Variants in POC1B observed in about 807,000 individuals in gnomAD.
POC1B encodes the protein POC1 centriolar protein B.
A neutral mutation model predicts 60.6 loss-of-function variants in POC1B; 44 were observed. The ratio of observed to expected loss-of-function variants is 0.73; its 90% CI spans 0.57 to 0.93. The LOEUF is 0.93. Among genes scored for constraint, POC1B ranks in the 40% least tolerant of loss-of-function variants. The pLI, the probability that POC1B is intolerant of heterozygous loss-of-function variation, is 0.00. For missense variants in POC1B, 555 were observed against 572.3 expected, an observed-to-expected ratio of 0.97 and a Z score of 0.31; for synonymous variants, 180 against 198.9, an observed-to-expected ratio of 0.90 and a Z score of 0.80.
intron 2 of POC1B, chr12:89,523,332 A>G (rs1871091286): frequency 6.2e-7 from 1 of 1,613,958 alleles, no homozygotes; most frequent in African/African-American, 1.3e-5. Flanking sequence ...AAATATCACC[A>G]TAAGCTTCTT....
At chr12:89,452,322 A>G (rs1034056851) in intron 10 of POC1B, among the ~76,000 whole-genome samples, 2 of 152,166 alleles carry the variant, frequency 1.3e-5, no homozygotes, top group Non-Finnish European at 2.9e-5. Flanking sequence ...GTTCCCAGAA[A>G]CGTGCTAATT....
At chr12:89,412,830 C>CCTTCCTT in the POC1B span, among the ~76,000 whole-genome samples, 6,231 of 131,076 alleles carry the variant, frequency 0.048, 411 homozygotes, top group East Asian at 0.19. Context: ...TTCCTTCCTT[C>CCTTCCTT]CTTCCTTCCT....
At chr12:89,405,313 T>C in the POC1B span, among the ~76,000 whole-genome samples, 7 of 152,212 alleles carry the variant, frequency 4.6e-5, no homozygotes, top group Non-Finnish European at 8.8e-5. Context: ...TGGGCTCTCA[T>C]TTCAAGTTAC....
At chr12:89,499,925 C>A (rs55756636) in intron 2 of POC1B, among the ~76,000 whole-genome samples, 3,097 of 152,336 alleles carry the variant, frequency 0.02, 82 homozygotes, top group African/African-American at 0.066. Context: ...GTTGTTGGCG[C>A]ACGCCTTCCA....
At chr12:89,502,731 T>G in intron 2 of POC1B, 1 of 1,355,090 alleles carries the variant, frequency 7.4e-7, no homozygotes, top group Non-Finnish European at 1.0e-6. Context: ...AAATTGATAT[T>G]AAGACCACAA....
chr12:89,521,214 C>T (rs1464118460), intron 2 of POC1B: 1 of 152,028 alleles, frequency 6.6e-6, no homozygotes, highest in Non-Finnish European at 1.5e-5. Flanking sequence ...CGCCATTCTC[C>T]TGCCTCAGCC....
At chr12:89,409,337 A>G in the POC1B span, among the ~76,000 whole-genome samples, 1 of 152,192 alleles carries the variant, frequency 6.6e-6, no homozygotes, top group South Asian at 2.1e-4. Flanking sequence ...AGTTTTCTGT[A>G]TATGGTTAGC....
chr12:89,494,763 C>A (rs1869161260), intron 3 of POC1B, among the ~76,000 whole-genome samples: 1 of 152,186 alleles, frequency 6.6e-6, no homozygotes, highest in South Asian at 2.1e-4. Context: ...TACAGGTTAT[C>A]CTGCTGGAGA....
At chr12:89,425,896 CGTATACATCCAGGAGAACT>C (rs1158579608) in intron 10 of POC1B, 1 of 153,190 alleles carries the variant, frequency 6.5e-6, no homozygotes, top group Non-Finnish European at 1.5e-5. Flanking sequence ...TCTACTCCTA[CGTATACATCCAGGAGAACT>C]CTGAAAGCAG....
chr12:89,425,164 T>G lies in POC1B; in HGVS notation c.1329A>C (p.Thr443=). The G allele has an allele frequency of 6.2e-7, 1 of 1,613,996 alleles. No homozygotes were observed. The highest frequency in any genetic ancestry group is 8.5e-7 in the Non-Finnish European group (1 of 1,179,904). Residue 443 remains threonine (T), a synonymous_variant, in exon 11 of 12, where the codon ACA becomes ACC. Transcript: ENST00000313546. ...ATGCAACCTGTGTCATGCCCACCTG[T>G]GTCAAAACATTGAGTTGTTCCATAA... ...EHIMEQLNVL[T]QTVSILEQRL...
chr12:89,423,430 G>A (rs1880627634), intron 11 of POC1B, among the ~76,000 whole-genome samples: 1 of 152,132 alleles, frequency 6.6e-6, no homozygotes, highest in South Asian at 2.1e-4. Context: ...GAGCCATTGT[G>A]CCCAGCCCTT....
chr12:89,524,889 C>T lies in POC1B; in HGVS notation c.100+231G>A. 5.8e-6 allele frequency: 4 copies of T among 693,284 alleles called. No homozygotes were observed. In the South Asian group the frequency reaches 7.6e-5, roughly 13 times the overall value. 42.9% of individuals were successfully genotyped at this position (693,284 alleles called of 1,614,324 possible). On this transcript the variant is annotated intron_variant, in intron 2 of 11. Transcript: ENST00000313546. The stretch of plus-strand genomic sequence containing the variant: ...TGGTTAGTTTGCGAAAGTCGTCCGC[C>T]AGGCCCAGACCGCTGGATAGGAGGC...
intron 10 of POC1B, among the ~76,000 whole-genome samples, chr12:89,454,313 AC>A (rs1329885761): frequency 6.6e-6 from 1 of 152,012 alleles, no homozygotes; most frequent in Non-Finnish European, 1.5e-5. Flanking sequence ...TTCAAAATAC[AC>A]CCAGAATCCG....
intron 3 of POC1B, among the ~76,000 whole-genome samples, chr12:89,496,817 G>T (rs979858541): frequency 6.6e-6 from 1 of 152,070 alleles, no homozygotes; most frequent in Non-Finnish European, 1.5e-5. Context: ...ATGAACGGGC[G>T]TTAGGAAGTT....
intron 2 of POC1B, among the ~76,000 whole-genome samples, chr12:89,516,714 G>A (rs1870457527): frequency 6.6e-6 from 1 of 152,088 alleles, no homozygotes; most frequent in Non-Finnish European, 1.5e-5. Context: ...CCAGAAACCA[G>A]AAGCCTGAAA....
intron 2 of POC1B, chr12:89,519,658 A>G (rs1870681739): frequency 6.6e-6 from 1 of 152,556 alleles, no homozygotes; most frequent in Non-Finnish European, 1.5e-5. Flanking sequence ...AAGACTATAC[A>G]ACTTAAAAAT....
chr12:89,491,476 T>A (rs1030251229), intron 4 of POC1B, among the ~76,000 whole-genome samples: 1 of 151,406 alleles, frequency 6.6e-6, no homozygotes, highest in Non-Finnish European at 1.5e-5. Flanking sequence ...ATACAAAAAA[T>A]TATCCAGGCA....
chr12:89,464,707 C>T lies in POC1B; in HGVS notation c.1032+2063G>A, dbSNP rs565509689. Among the ~76,000 whole-genome samples the T allele has an allele frequency of 2.0e-5, 3 of 150,676 alleles. No homozygotes were observed. The Admixed American group carries it at 2.0e-4, about 10-fold the overall frequency. On this transcript the variant is annotated intron_variant, in intron 9 of 11. Coordinates refer to ENST00000313546, the MANE Select transcript of POC1B (RefSeq NM_172240.3). ...TTCACCATGTTGGTCAGGCTAGTCT[C>T]GAACTCCTGACATCATTAGCCGCCC... is the stretch of plus-strand genomic sequence containing the variant.
At chr12:89,503,351 G>A (rs1001060474) in intron 2 of POC1B, among the ~76,000 whole-genome samples, 10 of 152,246 alleles carry the variant, frequency 6.6e-5, no homozygotes, top group Admixed American at 5.2e-4. Context: ...TCCTAACCGC[G>A]AGTGATCTGC....
Sources: gnomAD v4.1 joint callset for allele counts (sites outside exome capture counted in the v4.1 genomes callset) on GRCh38, gnomAD v4.1.1 for gene constraint, MANE v1.5 for transcripts, NCBI Gene and HGNC (gene_info 2026-07-23, HGNC 2026-07-21) for gene names.